The following ASCC2 variants were observed in gnomAD, a reference collection of about 807,000 sequenced individuals.
ASCC2 encodes the protein ASC-1 complex subunit P100.
A neutral mutation model predicts 93.5 loss-of-function variants in ASCC2; 42 were observed. The observed-to-expected ratio is 0.45, with a 90% CI of 0.35 to 0.58. The LOEUF (loss-of-function observed/expected upper bound fraction) is 0.58, where lower values mean the gene tolerates loss of function less well. Among genes scored for constraint, ASCC2 ranks in the 20% least tolerant of loss-of-function variants. The pLI is 0.00. For synonymous variants in ASCC2, 364 were observed against 384.2 expected (o/e 0.95, Z 0.62); for missense variants, 859 against 977.6 (o/e 0.88, Z 1.62).
chr22:29,805,853 C>T (rs2059611257), intron 12 of ASCC2, among the ~76,000 whole-genome samples: 2 of 151,740 alleles, frequency 1.3e-5, no homozygotes, highest in African/African-American at 2.4e-5. Context: ...CTGGGTGAGG[C>T]GCCACCTCTG....
chr22:29,806,616 A>T, intron 10 of ASCC2, 63 bp from the exon 11 acceptor site: 1 of 1,526,882 alleles, frequency 6.5e-7, no homozygotes. Flanking sequence ...GCTCCTTTAC[A>T]CACCCGCTGC....
chr22:29,802,012 A>C lies in ASCC2; in HGVS notation c.1550T>G (p.Leu517Arg), dbSNP rs1400546276. The C allele has an allele frequency of 1.9e-6, 3 of 1,601,620 alleles. No individual in the cohort carries two copies. The highest frequency in any genetic ancestry group is 2.6e-6 in the Non-Finnish European group (3 of 1,173,648). Residue 517 changes from leucine to arginine, a missense_variant, in exon 14 of 20, where the codon CTG becomes CGG. By Grantham distance (102) the Leu-to-Arg change is moderately radical (BLOSUM62 -2). Coordinates refer to ENST00000307790, the MANE Select transcript of ASCC2 (RefSeq NM_032204.5). Reference protein sequence around the residue: ...EERLAPTLSQLDRNLDREMKP... With the variant: ...EERLAPTLSQRDRNLDREMKP... Reference sequence around the variant, plus strand: ...CTCCCACCTGTCTAGGTTGCGGTCCAGCTGGCTGAGGGTGGGGGCCAGCCG... The same window carrying C: ...CTCCCACCTGTCTAGGTTGCGGTCCCGCTGGCTGAGGGTGGGGGCCAGCCG...
intron 8 of ASCC2, chr22:29,809,789 A>T (rs951738450): frequency 2.6e-5 from 4 of 152,080 alleles, no homozygotes; most frequent in African/African-American, 4.8e-5. Context: ...AAAAAAATTT[A>T]AAAATTGTAA....
rs750008145 is a variant in ASCC2 at position 29,806,263 on chromosome 22, G to A, written c.1113C>T (p.Phe371=). 3 of 1,614,164 alleles carry A rather than the reference G, an allele frequency of 1.9e-6. No individual in the cohort carries two copies. Among genetic ancestry groups the A allele is most frequent in the East Asian group, 2.2e-5 (1 of 44,878 alleles). ...GCAAGCTGATGTCTTCGGCCACGGGGAAGAGTGCATCATAGTCCCGGAGGA... is the reference window on the plus strand; with the variant it reads ...GCAAGCTGATGTCTTCGGCCACGGGAAAGAGTGCATCATAGTCCCGGAGGA... ...KRFLRDYDAL[F]PVAEDISLLQ... Residue 371 remains phenylalanine (F), a synonymous_variant, in exon 12 of 20, where the codon TTC becomes TTT. Coordinates refer to ENST00000307790, the MANE Select transcript of ASCC2 (RefSeq NM_032204.5).
At chr22:29,801,496 T>C (rs1385407486) in intron 14 of ASCC2, among the ~76,000 whole-genome samples, 1 of 152,178 alleles carries the variant, frequency 6.6e-6, no homozygotes, top group East Asian at 1.9e-4. Context: ...ATTTCTCAAG[T>C]TAACAAGTGA....
intron 13 of ASCC2, among the ~76,000 whole-genome samples, chr22:29,804,099 T>C (rs1899458290): frequency 1.3e-5 from 2 of 152,234 alleles, no homozygotes; most frequent in African/African-American, 4.8e-5. Context: ...TCTCTTATCA[T>C]GCTGCCTCCC....
chr22:29,822,716 C>CTTTTTTT (rs748997801), intron 4 of ASCC2, among the ~76,000 whole-genome samples: 22 of 93,018 alleles, frequency 2.4e-4, no homozygotes, highest in Non-Finnish European at 3.4e-4. Flanking sequence ...ATTATCATGT[C>CTTTTTTT]TTTTTTTTTT....
At chr22:29,793,332 T>G (rs1601799019) in intron 17 of ASCC2, 28 bp downstream of exon 17, 1 of 1,611,496 alleles carries the variant, frequency 6.2e-7, no homozygotes. Context: ...TGCTCTGCCC[T>G]GGAACGCCAC....
intron 15 of ASCC2, among the ~76,000 whole-genome samples, chr22:29,800,454 G>A (rs1244149491): frequency 1.3e-5 from 2 of 152,130 alleles, no homozygotes; most frequent in Non-Finnish European, 2.9e-5. Context: ...TTAATCCAGA[G>A]CCTAGAATGC....
At chr22:29,797,548 C>A (rs1250869380) in intron 15 of ASCC2, among the ~76,000 whole-genome samples, 1 of 152,224 alleles carries the variant, frequency 6.6e-6, no homozygotes, top group Non-Finnish European at 1.5e-5. Context: ...TGACCACAGG[C>A]AAGTCCCTTA....
At chr22:29,821,906 G>C (rs1005458855) in intron 5 of ASCC2, 1 of 447,126 alleles carries the variant, frequency 2.2e-6, no homozygotes, top group East Asian at 7.1e-5. Context: ...GGCTGAGTTG[G>C]GGGGATAGCT....
intron 15 of ASCC2, among the ~76,000 whole-genome samples, chr22:29,794,954 CTTT>C (rs57206077): frequency 2.8e-5 from 4 of 141,884 alleles, no homozygotes; most frequent in Admixed American, 7.1e-5. Context: ...TTGTCTAAAT[CTTT>C]TTTTTTTTTT....
intron 15 of ASCC2, among the ~76,000 whole-genome samples, chr22:29,795,379 AT>A (rs1456410089): frequency 6.6e-6 from 1 of 151,872 alleles, no homozygotes; most frequent in African/African-American, 2.4e-5. Context: ...CTTAAACAAA[AT>A]TTTTTTTCAT....
At position 29,804,686 on chromosome 22, in the gene ASCC2, C is replaced by T. The variant is rs766521239; in HGVS notation, c.1305G>A (p.Glu435=). 1.9e-6 allele frequency: 3 copies of T among 1,614,188 alleles called. No homozygotes were observed. The highest frequency in any genetic ancestry group is 1.7e-5 in the Admixed American group (1 of 60,022). ...GATGTGATGATGCTTGACTGACTGC[C>T]TCTGCTGTCACCGTGACCCCGTTAG... ...GEPNGVTVTA[E]AVSQASSHPE... Residue 435 remains glutamate, a synonymous_variant, in exon 13 of 20, where the codon GAG becomes GAA. Transcript: ENST00000307790.
At chr22:29,804,554 A>AG in intron 13 of ASCC2, 84 bp downstream of exon 13, 1 of 1,513,050 alleles carries the variant, frequency 6.6e-7, no homozygotes, top group South Asian at 1.2e-5. Flanking sequence ...AAAGCAAAGA[A>AG]GGGAGGTTTC....
chr22:29,788,953 A>G lies in ASCC2; in HGVS notation c.*60T>C. On this transcript the variant is annotated 3_prime_UTR_variant, in exon 20 of 20. Transcript: ENST00000307790. ...GCCCCTAGTGAGGAGGCCCCAGGCG[A>G]TGGGAGCACGGCCTGGTGAGTCTGG... 1 of 1,603,848 alleles carries G rather than the reference A, an allele frequency of 6.2e-7. No individual in the cohort carries two copies. The highest frequency in any genetic ancestry group is 8.5e-7 in the Non-Finnish European group (1 of 1,172,000).
At chr22:29,831,900 T>G (rs916219658) in intron 2 of ASCC2, among the ~76,000 whole-genome samples, 3 of 152,174 alleles carry the variant, frequency 2.0e-5, no homozygotes, top group African/African-American at 7.2e-5. Flanking sequence ...ACCTGAAACC[T>G]GAACACCCTC....
chr22:29,829,885 A>G (rs1454497041), intron 2 of ASCC2, among the ~76,000 whole-genome samples: 4 of 152,176 alleles, frequency 2.6e-5, no homozygotes, highest in African/African-American at 9.7e-5. Context: ...AACCAACATT[A>G]GCTCTACCAA....
chr22:29,789,239 C>T (rs748090819), intron 19 of ASCC2, 55 bp from the exon 20 acceptor site: 22 of 1,603,508 alleles, frequency 1.4e-5, no homozygotes, highest in South Asian at 2.2e-5. Flanking sequence ...GAGGCTCTGG[C>T]GGGAGAGCCC....
Sources: gnomAD v4.1 joint callset for allele counts (sites outside exome capture counted in the v4.1 genomes callset) on GRCh38, gnomAD v4.1.1 for gene constraint, MANE v1.5 for transcripts, NCBI Gene and HGNC (gene_info 2026-07-23, HGNC 2026-07-21) for gene names.